Variants in RSRC1 observed in about 807,000 individuals in gnomAD.
The protein encoded by RSRC1 is serine/Arginine-related protein 53.
In RSRC1, 39 loss-of-function variants were observed where a neutral mutation model predicts 49.1. The observed-to-expected ratio is 0.79, with a 90% CI of 0.61 to 1.04. The LOEUF is 1.04. Among genes scored for constraint, RSRC1 ranks in the 50% least tolerant of loss-of-function variants. RSRC1 has a pLI of 0.00. For synonymous variants in RSRC1, 143 were observed against 130.8 expected, an observed-to-expected ratio of 1.09 and a Z score of -0.63; for missense variants, 388 against 402.4, an observed-to-expected ratio of 0.96 and a Z score of 0.31.
intron 5 of RSRC1, among the ~76,000 whole-genome samples, chr3:158,316,872 C>T (rs977684460): frequency 9.2e-5 from 14 of 152,094 alleles, no homozygotes; most frequent in Non-Finnish European, 1.0e-4. Context: ...CTTAATTTAC[C>T]TTAGCAAAAA....
chr3:158,117,790 C>G (rs1559906157), intron 1 of RSRC1, among the ~76,000 whole-genome samples: 1 of 151,588 alleles, frequency 6.6e-6, no homozygotes, highest in Non-Finnish European at 1.5e-5. Flanking sequence ...TTATGCTGAG[C>G]TTTTCTATTC....
At chr3:158,424,994 C>T (rs530166524) in intron 6 of RSRC1, among the ~76,000 whole-genome samples, 194 of 149,922 alleles carry the variant, frequency 1.3e-3, no homozygotes, top group African/African-American at 3.8e-3. Context: ...GTCTTGCTAG[C>T]GGTCTATCAA....
At chr3:158,306,291 C>T (rs929242771) in intron 5 of RSRC1, among the ~76,000 whole-genome samples, 2 of 151,700 alleles carry the variant, frequency 1.3e-5, no homozygotes, top group African/African-American at 4.8e-5. Flanking sequence ...TTTTTTTTAA[C>T]ATGTAAAAAT....
intron 5 of RSRC1, among the ~76,000 whole-genome samples, chr3:158,333,173 G>T (rs568133888): frequency 2.6e-5 from 4 of 151,836 alleles, no homozygotes; most frequent in Admixed American, 6.6e-5. Flanking sequence ...TTTCACCATG[G>T]TAGCCAGGAT....
intron 5 of RSRC1, among the ~76,000 whole-genome samples, chr3:158,331,741 C>T (rs1313321778): frequency 6.6e-6 from 1 of 150,934 alleles, no homozygotes; most frequent in Non-Finnish European, 1.5e-5. Context: ...TTTTTTTCCT[C>T]ATGGCCTAAC....
intron 7 of RSRC1, among the ~76,000 whole-genome samples, chr3:158,508,967 T>G (rs772657919): frequency 5.9e-5 from 9 of 152,320 alleles, no homozygotes; most frequent in Non-Finnish European, 1.0e-4. Flanking sequence ...ACTTTCTTGG[T>G]TGTATTCTTT....
At chr3:158,439,285 A>G (rs559322139) in intron 6 of RSRC1, among the ~76,000 whole-genome samples, 2 of 152,226 alleles carry the variant, frequency 1.3e-5, no homozygotes, top group South Asian at 4.1e-4. Context: ...AACTAGAAAT[A>G]CCATTTGACC....
At chr3:158,452,951 A>C (rs1393508405) in intron 6 of RSRC1, among the ~76,000 whole-genome samples, 2 of 152,134 alleles carry the variant, frequency 1.3e-5, no homozygotes, top group Non-Finnish European at 2.9e-5. Flanking sequence ...CTTTCTATGC[A>C]TTTATATACA....
intron 3 of RSRC1, among the ~76,000 whole-genome samples, chr3:158,146,994 A>C (rs1302037601): frequency 2.0e-5 from 3 of 151,458 alleles, no homozygotes; most frequent in Non-Finnish European, 4.4e-5. Context: ...TTGAACAGTT[A>C]CCAAGATTTT....
intron 6 of RSRC1, among the ~76,000 whole-genome samples, chr3:158,386,608 GT>G (rs1233245623): frequency 6.6e-6 from 1 of 152,024 alleles, no homozygotes; most frequent in Non-Finnish European, 1.5e-5. Context: ...TGGCCAAGCT[GT>G]TGTTTAATTT....
At chr3:158,149,558 A>T (rs1717391456) in intron 3 of RSRC1, among the ~76,000 whole-genome samples, 1 of 152,216 alleles carries the variant, frequency 6.6e-6, no homozygotes, top group Admixed American at 6.5e-5. Flanking sequence ...AGGTGAATAC[A>T]TGCACATTCA....
intron 5 of RSRC1, among the ~76,000 whole-genome samples, chr3:158,325,667 C>A (rs1729087608): frequency 1.3e-5 from 2 of 152,174 alleles, no homozygotes; most frequent in Admixed American, 1.3e-4. Flanking sequence ...TAGCATGATG[C>A]CTCCAGCTTT....
In RSRC1 at chr3:158,373,595, A is replaced by G. The variant is rs574442929; in HGVS notation, c.583+18687A>G. 2.0e-5 allele frequency among the ~76,000 whole-genome samples: 3 copies of G among 151,988 alleles called. No individual in the cohort carries two copies. In the South Asian group the frequency reaches 6.2e-4, roughly 31 times the overall value. On this transcript the variant is annotated intron_variant, in intron 6 of 9. Transcript: ENST00000611884. ...GAGAAACATCACTTGGGCATGATAT[A>G]CTTTTTTTTGTATATTTTTGGATTC... is the stretch of plus-strand genomic sequence containing the variant.
At chr3:158,335,915 A>G (rs1729856053) in intron 5 of RSRC1, among the ~76,000 whole-genome samples, 1 of 152,202 alleles carries the variant, frequency 6.6e-6, no homozygotes, top group Non-Finnish European at 1.5e-5. Context: ...TTATTGGGCA[A>G]TGATAGTAGA....
chr3:158,476,201 A>T (rs1026727934), intron 7 of RSRC1, among the ~76,000 whole-genome samples: 10 of 152,138 alleles, frequency 6.6e-5, no homozygotes, highest in Non-Finnish European at 2.9e-5. Flanking sequence ...CTGAAGAAAA[A>T]TTTGAAGCTA....
chr3:158,259,714 C>T (rs1313701119), intron 4 of RSRC1, among the ~76,000 whole-genome samples: 1 of 152,140 alleles, frequency 6.6e-6, no homozygotes, highest in Non-Finnish European at 1.5e-5. Flanking sequence ...GTCCATGAGC[C>T]AGGGCCTGGA....
At chr3:158,423,134 G>C (rs1369198625) in intron 6 of RSRC1, among the ~76,000 whole-genome samples, 7 of 151,790 alleles carry the variant, frequency 4.6e-5, no homozygotes, top group Admixed American at 1.3e-4. Flanking sequence ...TGGTGTTTTA[G>C]ACATGAAGTC....
At position 158,203,130 on chromosome 3, in the gene RSRC1, A is replaced by C; in HGVS notation, c.379A>C (p.Arg127=). The C allele has an allele frequency of 6.2e-7, 1 of 1,613,876 alleles. No homozygotes were observed. The highest frequency in any genetic ancestry group is 8.5e-7 in the Non-Finnish European group (1 of 1,179,862). Residue 127 remains arginine, a synonymous_variant, in exon 4 of 10, where the codon AGA becomes CGA. Transcript: ENST00000611884. ...HSRSSERSSH[R]RTRSRSRDRE... ...TCGTAGCAGTGAAAGGTCCAGTCACAGAAGAACGCGTAGTCGGTCTCGGGA... is the reference window on the plus strand; with the variant it reads ...TCGTAGCAGTGAAAGGTCCAGTCACCGAAGAACGCGTAGTCGGTCTCGGGA...
At chr3:158,312,994 A>G (rs75877890) in intron 5 of RSRC1, among the ~76,000 whole-genome samples, 2,410 of 152,146 alleles carry the variant, frequency 0.016, 84 homozygotes, top group African/African-American at 0.055. Context: ...ATATCTTGAC[A>G]TGTTCTGAGT....
Sources: gnomAD v4.1 joint callset for allele counts (sites outside exome capture counted in the v4.1 genomes callset) on GRCh38, gnomAD v4.1.1 for gene constraint, MANE v1.5 for transcripts, NCBI Gene and HGNC (gene_info 2026-07-23, HGNC 2026-07-21) for gene names.